Variants in DIAPH2 observed in about 807,000 individuals in gnomAD.
The protein encoded by DIAPH2 is diaphanous related formin 2.
In DIAPH2, 35 loss-of-function variants were observed where a neutral mutation model predicts 92.7. That is an observed-to-expected ratio of 0.38 (90% CI 0.29 to 0.50). The LOEUF is 0.50. Among genes scored for constraint, DIAPH2 ranks in the 20% least tolerant of loss-of-function variants. The pLI, the probability that DIAPH2 is intolerant of heterozygous loss-of-function variation, is 0.94. For synonymous variants in DIAPH2, 301 were observed against 280.4 expected, an observed-to-expected ratio of 1.07 and a Z score of -0.73; for missense variants, 701 against 819.5, an observed-to-expected ratio of 0.86 and a Z score of 1.77.
intron 7 of DIAPH2, among the ~76,000 whole-genome samples, chrX:96,914,072 A>G (rs944646511): frequency 9.0e-6 from 1 of 111,018 alleles, no homozygotes; most frequent in Non-Finnish European, 1.9e-5. Flanking sequence ...CAATAAGATT[A>G]TATATTAATC....
intron 23 of DIAPH2, among the ~76,000 whole-genome samples, chrX:97,343,790 G>A (rs2069133830): frequency 9.0e-6 from 1 of 111,267 alleles, no homozygotes; most frequent in African/African-American, 3.3e-5. Flanking sequence ...AAGAGAAGTA[G>A]CTAAATGTGT....
At chrX:96,862,707 T>C (rs1383763832) in intron 4 of DIAPH2, among the ~76,000 whole-genome samples, 1 of 112,148 alleles carries the variant, frequency 8.9e-6, no homozygotes, top group African/African-American at 3.2e-5. Flanking sequence ...AGACATAGAC[T>C]GGTTTTGTAT....
At chrX:96,806,716 C>CTT (rs2064629613) in intron 4 of DIAPH2, among the ~76,000 whole-genome samples, 1 of 96,642 alleles carries the variant, frequency 1.0e-5, no homozygotes, top group African/African-American at 3.9e-5. Flanking sequence ...ATCCAATGTA[C>CTT]TTTTGCTTTC....
At chrX:96,885,592 A>G (rs896786486) in intron 5 of DIAPH2, 1 of 112,219 alleles carries the variant, frequency 8.9e-6, no homozygotes, top group African/African-American at 3.3e-5. Flanking sequence ...AATGAGCTGA[A>G]GATACTAATT....
chrX:96,695,289 G>A (rs1048118270), intron 1 of DIAPH2, among the ~76,000 whole-genome samples: 1 of 112,364 alleles, frequency 8.9e-6, no homozygotes, highest in African/African-American at 3.2e-5. Context: ...GGAAGAATAA[G>A]TTTATGATTC....
intron 1 of DIAPH2, among the ~76,000 whole-genome samples, chrX:96,690,159 A>G (rs1358800180): frequency 9.0e-6 from 1 of 111,111 alleles, no homozygotes; most frequent in Non-Finnish European, 1.9e-5. Context: ...CCAAGCATGG[A>G]AACAGTACCA....
intron 26 of DIAPH2, among the ~76,000 whole-genome samples, chrX:97,445,003 T>A (rs370560378): frequency 9.0e-6 from 1 of 111,558 alleles, no homozygotes; most frequent in African/African-American, 3.2e-5. Flanking sequence ...GAAAATAAAT[T>A]TAGAAATGAA....
chrX:97,380,281 A>G (rs1300810925), intron 24 of DIAPH2, among the ~76,000 whole-genome samples: 2 of 111,598 alleles, frequency 1.8e-5, no homozygotes, highest in African/African-American at 3.3e-5. Context: ...TTTTTCAATT[A>G]GCATCCTTTT....
In DIAPH2 at chrX:97,598,942, T is replaced by A. The variant is rs569197014; in HGVS notation, c.3242-311T>A. Among the ~76,000 whole-genome samples the A allele has an allele frequency of 4.4e-3, 497 of 112,335 alleles. 3 individuals are homozygous for A. The highest frequency in any genetic ancestry group is 0.015 in the African/African-American group (473 of 30,952). On this transcript the variant is annotated intron_variant, in intron 26 of 26. Coordinates refer to ENST00000324765, the MANE Select transcript of DIAPH2 (RefSeq NM_006729.5). ...GTATATAGATCTTTTCAATTTAACA[T>A]CTTTACCAAAGAATTTTGTTGTTGC...
chrX:97,273,766 A>C (rs2068410780), intron 23 of DIAPH2, among the ~76,000 whole-genome samples: 1 of 111,909 alleles, frequency 8.9e-6, no homozygotes, highest in Non-Finnish European at 1.9e-5. Context: ...GGTCTCATAT[A>C]ATAGTTATTT....
chrX:97,059,486 C>T (rs753651104), intron 17 of DIAPH2, among the ~76,000 whole-genome samples: 6 of 110,537 alleles, frequency 5.4e-5, no homozygotes, highest in South Asian at 3.9e-4. Context: ...ATTGGGGTGC[C>T]GACCGCCCGC....
At chrX:97,565,969 A>C (rs1411576185) in intron 26 of DIAPH2, among the ~76,000 whole-genome samples, 3 of 112,135 alleles carry the variant, frequency 2.7e-5, no homozygotes, top group African/African-American at 9.7e-5. Flanking sequence ...GTAATCTTTC[A>C]AAGGCTTGTT....
At chrX:97,135,931 T>C (rs1387439734) in intron 21 of DIAPH2, among the ~76,000 whole-genome samples, 1 of 111,807 alleles carries the variant, frequency 8.9e-6, no homozygotes, top group Non-Finnish European at 1.9e-5. Context: ...GGAACATAAG[T>C]AAATGGGTAG....
chrX:96,888,225 TA>T (rs1243164589), intron 5 of DIAPH2, among the ~76,000 whole-genome samples: 7 of 109,402 alleles, frequency 6.4e-5, no homozygotes, highest in Non-Finnish European at 1.3e-4. Context: ...CATGCCTGGC[TA>T]ATTTTTATAT....
intron 1 of DIAPH2, among the ~76,000 whole-genome samples, chrX:96,724,739 A>G (rs977059243): frequency 5.3e-5 from 6 of 112,236 alleles, no homozygotes; most frequent in Non-Finnish European, 9.4e-5. Context: ...GATGAAAAGG[A>G]AAAAAATGTT....
chrX:97,517,930 A>G (rs1281307566), intron 26 of DIAPH2, among the ~76,000 whole-genome samples: 1 of 112,521 alleles, frequency 8.9e-6, no homozygotes, highest in Non-Finnish European at 1.9e-5. Context: ...GGTGTCTGTT[A>G]CAGGATGAGC....
intron 4 of DIAPH2, among the ~76,000 whole-genome samples, chrX:96,837,562 A>G (rs1217635018): frequency 9.1e-6 from 1 of 110,333 alleles, no homozygotes; most frequent in Non-Finnish European, 1.9e-5. Flanking sequence ...TCTTTGAGCA[A>G]TTCAGCTCCA....
At chrX:97,178,470 T>TTG (rs1256627178) in intron 22 of DIAPH2, among the ~76,000 whole-genome samples, 6 of 92,667 alleles carry the variant, frequency 6.5e-5, no homozygotes, top group African/African-American at 2.4e-4. Flanking sequence ...TTTTTTTTTT[T>TTG]GAGACAGAGT....
chrX:97,383,326 T>C (rs982309027), intron 24 of DIAPH2, among the ~76,000 whole-genome samples: 3 of 111,066 alleles, frequency 2.7e-5, no homozygotes, highest in Admixed American at 9.7e-5. Context: ...ATCATCGCCA[T>C]CATAGACTAA....
Sources: allele counts gnomAD v4.1 joint callset (sites outside exome capture counted in the v4.1 genomes callset), GRCh38; gene constraint gnomAD v4.1.1; transcripts MANE v1.5; gene names NCBI Gene and HGNC (gene_info 2026-07-23, HGNC 2026-07-21).